Variants in SNX29 observed in about 807,000 individuals in gnomAD.
The protein encoded by SNX29 is sorting nexin 29, also known as sorting nexin-29.
Under a neutral mutation model 102.1 loss-of-function variants are expected in SNX29, and 78 were observed. That is an observed-to-expected ratio of 0.76 (90% CI 0.64 to 0.92). The LOEUF (loss-of-function observed/expected upper bound fraction) is 0.92. Among genes scored for constraint, SNX29 ranks in the 40% least tolerant of loss-of-function variants. SNX29 has a pLI of 0.00. For missense variants in SNX29, 1,280 were observed against 1,061.7 expected (o/e 1.21, Z -2.86); for synonymous variants, 580 against 414.5 (o/e 1.40, Z -4.85).
intron 14 of SNX29, among the ~76,000 whole-genome samples, chr16:12,240,724 C>T (rs2078079878): frequency 1.3e-5 from 2 of 150,308 alleles, no homozygotes; most frequent in South Asian, 2.1e-4. Flanking sequence ...TTCAGCCTTC[C>T]AAGTAGCTGG....
In SNX29 at chr16:12,434,240, C is replaced by T. The variant is rs140171643; in HGVS notation, c.2037+30711C>T. Among the ~76,000 whole-genome samples, 253 of 152,260 alleles carry T rather than the reference C, an allele frequency of 1.7e-3. 1 individual carries two copies. In the South Asian group the frequency reaches 0.026, roughly 16 times the overall value. On this transcript the variant is annotated intron_variant, in intron 18 of 20. Transcript: ENST00000566228. ...GGATAATATTATAACAGGAACAAAT[C>T]GGTAAGATAATACTCATTATTGACC... is the stretch of plus-strand genomic sequence containing the variant.
intron 15 of SNX29, among the ~76,000 whole-genome samples, chr16:12,340,579 T>C (rs1296258605): frequency 6.6e-6 from 1 of 152,208 alleles, no homozygotes; most frequent in African/African-American, 2.4e-5. Context: ...GTGAGTCATC[T>C]GGAGCAGAGT....
At chr16:12,061,737 T>G (rs1596737278) in intron 9 of SNX29, 91 bp downstream of exon 9, 1 of 1,189,754 alleles carries the variant, frequency 8.4e-7, no homozygotes, top group Non-Finnish European at 1.2e-6. Context: ...CAGGTAGGAA[T>G]GGGAGCCGGG....
chr16:12,568,533 G>C lies in SNX29; in HGVS notation c.2346G>C (p.Val782=), dbSNP rs772282823. 18 of 1,609,662 alleles carry C rather than the reference G, an allele frequency of 1.1e-5. No individual in the cohort carries two copies. Among genetic ancestry groups the C allele is most frequent in the African/African-American group, 9.3e-5 (7 of 74,906 alleles). Residue 782 remains valine, a synonymous_variant, in exon 21 of 21, where the codon GTG becomes GTC. Transcript: ENST00000566228. ...FVDITPPGEP[V]NSRPKAASRF... ...ACATCACCCCGCCCGGAGAGCCTGT[G>C]AACAGCCGGCCCAAAGCAGCTTCCC...
chr16:12,563,213 C>T (rs1598082400), intron 20 of SNX29, among the ~76,000 whole-genome samples: 2 of 150,016 alleles, frequency 1.3e-5, no homozygotes, highest in African/African-American at 4.9e-5. Flanking sequence ...GGGATTGAGG[C>T]TCATACCCTG....
intron 3 of SNX29, among the ~76,000 whole-genome samples, chr16:12,003,725 G>A (rs968424753): frequency 2.0e-5 from 3 of 152,164 alleles, no homozygotes; most frequent in African/African-American, 7.2e-5. Flanking sequence ...CCTAAAAATG[G>A]GCCGGGTGCG....
intron 3 of SNX29, among the ~76,000 whole-genome samples, chr16:12,021,857 C>T (rs2057032728): frequency 6.6e-6 from 1 of 151,524 alleles, no homozygotes; most frequent in Non-Finnish European, 1.5e-5. Context: ...CGTCACTGCA[C>T]TCCAGCCTGG....
At chr16:12,453,241 C>T (rs1299438928) in intron 18 of SNX29, among the ~76,000 whole-genome samples, 1 of 152,238 alleles carries the variant, frequency 6.6e-6, no homozygotes, top group East Asian at 1.9e-4. Context: ...GCCAATCAAT[C>T]ACAGACTTTC....
chr16:12,262,258 A>G (rs2078796808), intron 14 of SNX29, among the ~76,000 whole-genome samples: 1 of 152,200 alleles, frequency 6.6e-6, no homozygotes, highest in South Asian at 2.1e-4. Context: ...AATTGACTCA[A>G]AGTCTTCCCC....
chr16:12,388,372 C>T (rs558769021), intron 16 of SNX29, among the ~76,000 whole-genome samples: 22 of 152,324 alleles, frequency 1.4e-4, no homozygotes, highest in African/African-American at 5.3e-4. Context: ...AACGTCTTGA[C>T]ATTCCTTCTC....
chr16:12,566,888 TACAGGAAAAGACAA>T (rs1444986452), intron 20 of SNX29, among the ~76,000 whole-genome samples: 3 of 152,250 alleles, frequency 2.0e-5, no homozygotes, highest in Non-Finnish European at 4.4e-5. Flanking sequence ...CAACTTGACT[TACAGGAAAAGACAA>T]TCATTAAAAG....
chr16:12,315,459 G>A (rs1596874494), intron 15 of SNX29, among the ~76,000 whole-genome samples: 1 of 152,312 alleles, frequency 6.6e-6, no homozygotes, highest in South Asian at 2.1e-4. Context: ...GGATGGAATT[G>A]TGTTGCCCCC....
intron 14 of SNX29, among the ~76,000 whole-genome samples, chr16:12,269,442 G>C (rs1596697229): frequency 6.6e-6 from 1 of 152,296 alleles, no homozygotes; most frequent in African/African-American, 2.4e-5. Flanking sequence ...AATTGAAGCA[G>C]TATCATTATT....
At chr16:12,294,959 G>C (rs1190793654) in intron 15 of SNX29, among the ~76,000 whole-genome samples, 1 of 152,092 alleles carries the variant, frequency 6.6e-6, no homozygotes, top group African/African-American at 2.4e-5. Flanking sequence ...AATCATGGCA[G>C]AAGGTGAAAG....
rs1275826818 is a variant in SNX29, at chr16:12,256,529, T to C, written c.1679-21404T>C. 2.6e-5 allele frequency among the ~76,000 whole-genome samples: 4 copies of C among 152,188 alleles called. No homozygotes were observed. In the East Asian group the frequency reaches 7.7e-4, roughly 29 times the overall value. ...TTGTAGCAGAGACGAGGTTTCACCATGTAGGCCAGGCTGGTCTTGAACTCC... is the reference window on the plus strand; with the variant it reads ...TTGTAGCAGAGACGAGGTTTCACCACGTAGGCCAGGCTGGTCTTGAACTCC... On this transcript the variant is annotated intron_variant, in intron 14 of 20. Coordinates refer to ENST00000566228, the MANE Select transcript of SNX29 (RefSeq NM_032167.5).
At chr16:12,445,189 G>A (rs1027413191) in intron 18 of SNX29, among the ~76,000 whole-genome samples, 1 of 151,600 alleles carries the variant, frequency 6.6e-6, no homozygotes, top group Non-Finnish European at 1.5e-5. Context: ...TTTTATTGTA[G>A]TGCAGCCATG....
chr16:12,296,973 C>G (rs572986753), intron 15 of SNX29, among the ~76,000 whole-genome samples: 10 of 152,186 alleles, frequency 6.6e-5, no homozygotes, highest in African/African-American at 2.4e-4. Context: ...GGCTGCTGCC[C>G]GCTAGATGCT....
chr16:12,568,371 T>G, intron 20 of SNX29, 135 bp from the exon 21 acceptor site: 1 of 1,192,000 alleles, frequency 8.4e-7, no homozygotes, highest in Non-Finnish European at 1.2e-6. Context: ...TGGCACCAGT[T>G]AGAGGCAGAT....
Position 12,196,567 on chromosome 16 carries a change from A to G in SNX29, c.1596-3034A>G, listed in dbSNP as rs1018382481. 2.0e-5 allele frequency among the ~76,000 whole-genome samples: 3 copies of G among 150,748 alleles called. No homozygotes were observed. In the East Asian group the frequency reaches 5.9e-4, roughly 29 times the overall value. Reference sequence around the variant, plus strand: ...AAGGTGCAAACATCTCAAATGTCCAACTCTGCCACAGTCCACATTGGCAAC... The same window carrying G: ...AAGGTGCAAACATCTCAAATGTCCAGCTCTGCCACAGTCCACATTGGCAAC... On this transcript the variant is annotated intron_variant, in intron 13 of 20. Coordinates refer to ENST00000566228, the MANE Select transcript of SNX29 (RefSeq NM_032167.5).
Sources: allele counts gnomAD v4.1 joint callset (sites outside exome capture counted in the v4.1 genomes callset), GRCh38; gene constraint gnomAD v4.1.1; transcripts MANE v1.5; gene names NCBI Gene and HGNC (gene_info 2026-07-23, HGNC 2026-07-21).